Variants in DLGAP4 observed in about 807,000 individuals in gnomAD.
DLGAP4 encodes the protein DLG associated protein 4.
A neutral mutation model predicts 86.9 loss-of-function variants in DLGAP4; 18 were observed. The observed-to-expected ratio is 0.21, with a 90% CI of 0.14 to 0.31. The LOEUF (loss-of-function observed/expected upper bound fraction) is 0.31. Among genes scored for constraint, DLGAP4 ranks in the 10% least tolerant of loss-of-function variants. DLGAP4 has a pLI of 1.00. For missense variants in DLGAP4, 1,085 were observed against 1,362.6 expected (o/e 0.80, Z 3.21); for synonymous variants, 548 against 574.3 (o/e 0.95, Z 0.65).
chr20:36,461,763 G>GCCCC (rs1474773337), intron 7 of DLGAP4: 1 of 243,864 alleles, frequency 4.1e-6, no homozygotes, highest in Admixed American at 1.1e-4. Flanking sequence ...CCGCCCGCCC[G>GCCCC]CCCGCCCGCG....
At position 36,496,924 on chromosome 20, in the gene DLGAP4, G is replaced by C. The variant is rs149955874; in HGVS notation, c.1868G>C (p.Arg623Pro). Residue 623 changes from arginine to proline, a missense_variant, in exon 8 of 13, where the codon CGG (arginine) becomes CCG (proline). By Grantham distance (103) the Arg-to-Pro change is moderately radical. Coordinates refer to ENST00000339266, the MANE Select transcript of DLGAP4 (RefSeq NM_001365621.2). ...DSSTRPPSVT[R>P]GGVAPAPEAP... ...AGTACCCGACCGCCCAGCGTGACAC[G>C]GGGTGGAGTCGCCCCAGCCCCTGAG... 3 of 1,614,170 alleles carry C rather than the reference G, an allele frequency of 1.9e-6. No homozygotes were observed. The Admixed American group carries it at 5.0e-5, about 27-fold the overall frequency.
intron 2 of DLGAP4, among the ~76,000 whole-genome samples, chr20:36,421,692 T>C (rs2032833108): frequency 6.6e-6 from 1 of 151,980 alleles, no homozygotes; most frequent in Non-Finnish European, 1.5e-5. Flanking sequence ...CTTCCCGGTT[T>C]CTGACCTGAA....
At chr20:36,359,903 C>T (rs1161701732) in intron 1 of DLGAP4, among the ~76,000 whole-genome samples, 1 of 152,084 alleles carries the variant, frequency 6.6e-6, no homozygotes, top group Non-Finnish European at 1.5e-5. Flanking sequence ...GTGTGACTGG[C>T]TTGGAGCAGT....
At position 36,308,929 on chromosome 20, in the gene DLGAP4, A is replaced by G. The variant is rs1170981691; in HGVS notation, c.-304+2417A>G. The stretch of plus-strand genomic sequence containing the variant: ...ACACAGTAGGTACTCAATAAATGTC[A>G]TGGCTCCCAGGATGAAACCCAACCT... On this transcript the variant is annotated intron_variant, in intron 1 of 12. Coordinates refer to ENST00000339266, the MANE Select transcript of DLGAP4 (RefSeq NM_001365621.2). The surrounding 1 kb of genome is among the most constrained non-coding windows in gnomAD (Gnocchi z 4.5). Among the ~76,000 whole-genome samples the G allele has an allele frequency of 1.3e-5, 2 of 152,030 alleles. No individual in the cohort carries two copies. Among genetic ancestry groups the G allele is most frequent in the Non-Finnish European group, 2.9e-5 (2 of 68,012 alleles).
In DLGAP4 at chr20:36,460,171, G is replaced by GA. The variant is rs939371374; in HGVS notation, c.1648+13234_1648+13235insA. Among the ~76,000 whole-genome samples, 20 of 151,592 alleles carry GA rather than the reference G, an allele frequency of 1.3e-4. 1 individual carries two copies. Among genetic ancestry groups the GA allele is most frequent in the African/African-American group, 4.8e-4 (20 of 41,348 alleles). Reference sequence around the variant, plus strand: ...TCAGGGCCCATAACAAATGTACCTTGTTTTTTTCCTAAGTAAATCAACCTT... The same window carrying GA: ...TCAGGGCCCATAACAAATGTACCTTGATTTTTTTCCTAAGTAAATCAACCTT... On this transcript the variant is annotated intron_variant, in intron 7 of 12. Transcript: ENST00000339266.
chr20:36,485,535 G>C (rs2035374847), intron 7 of DLGAP4, among the ~76,000 whole-genome samples: 1 of 152,148 alleles, frequency 6.6e-6, no homozygotes, highest in Non-Finnish European at 1.5e-5. Flanking sequence ...AACCCACTTA[G>C]TTTACAGCTG....
intron 11 of DLGAP4, among the ~76,000 whole-genome samples, 176 bp downstream of exon 11, chr20:36,524,517 A>G (rs1738747555): frequency 6.6e-6 from 1 of 152,254 alleles, no homozygotes; most frequent in African/African-American, 2.4e-5. Context: ...GAAAGGGGGC[A>G]AAAGTGGCCC....
At chr20:36,413,543 A>G (rs2032566699) in intron 2 of DLGAP4, among the ~76,000 whole-genome samples, 1 of 149,012 alleles carries the variant, frequency 6.7e-6, no homozygotes, top group Admixed American at 6.7e-5. Context: ...CAGCCTCCCA[A>G]GTAGCTGGAC....
In DLGAP4 at chr20:36,308,886, T is replaced by G. The variant is rs547064320; in HGVS notation, c.-304+2374T>G. ...AATTAATAAAATCTTGAATGCAGGG[T>G]TTTTTTTTATAGAAAGTACACAGTA... On this transcript the variant is annotated intron_variant, in intron 1 of 12. Transcript: ENST00000339266. This position sits in a 1 kb window ranked among gnomAD's most constrained non-coding sequence, Gnocchi z 4.5. 5.2e-4 allele frequency among the ~76,000 whole-genome samples: 78 copies of G among 149,546 alleles called. No individual in the cohort carries two copies. The highest frequency in any genetic ancestry group is 2.1e-3 in the East Asian group (11 of 5,164).
At chr20:36,371,009 G>T (rs1391998026) in intron 2 of DLGAP4, among the ~76,000 whole-genome samples, 1 of 152,142 alleles carries the variant, frequency 6.6e-6, no homozygotes, top group Non-Finnish European at 1.5e-5. Context: ...AGCAGTATTG[G>T]CCCCATTTTA....
intron 2 of DLGAP4, among the ~76,000 whole-genome samples, chr20:36,398,043 C>T (rs1176490977): frequency 1.3e-5 from 2 of 152,208 alleles, no homozygotes; most frequent in Non-Finnish European, 2.9e-5. Context: ...ATCGCTTGAA[C>T]CTGGGAGGCA....
At chr20:36,480,931 G>A (rs768314836) in intron 7 of DLGAP4, among the ~76,000 whole-genome samples, 3 of 152,102 alleles carry the variant, frequency 2.0e-5, no homozygotes, top group Non-Finnish European at 4.4e-5. Context: ...GCTTGAGCCC[G>A]GGCTATCAAG....
chr20:36,479,753 A>T (rs1384420184), intron 7 of DLGAP4, among the ~76,000 whole-genome samples: 1 of 152,110 alleles, frequency 6.6e-6, no homozygotes, highest in Non-Finnish European at 1.5e-5. Flanking sequence ...CTAAAATGTT[A>T]GAATGGTGCT....
chr20:36,499,393 C>T (rs1175479621), intron 8 of DLGAP4, 195 bp from the exon 9 acceptor site: 11 of 1,506,510 alleles, frequency 7.3e-6, no homozygotes, highest in African/African-American at 1.4e-5. Flanking sequence ...CTGCCCGCCT[C>T]CACGCGAATG....
intron 7 of DLGAP4, among the ~76,000 whole-genome samples, chr20:36,450,678 G>A (rs868637295): frequency 4.7e-4 from 71 of 152,206 alleles, no homozygotes; most frequent in African/African-American, 1.5e-3. Context: ...GGCTTCTGTC[G>A]AACAATTGAC....
At chr20:36,453,934 C>CAA (rs1194294335) in intron 7 of DLGAP4, among the ~76,000 whole-genome samples, 180 of 42,436 alleles carry the variant, frequency 4.2e-3, no homozygotes, top group African/African-American at 0.011. Context: ...ACTCTGTCTC[C>CAA]AAAAAAAAAA....
chr20:36,329,511 G>A (rs2065247086), intron 1 of DLGAP4, among the ~76,000 whole-genome samples: 1 of 152,222 alleles, frequency 6.6e-6, no homozygotes, highest in Non-Finnish European at 1.5e-5. Flanking sequence ...GGGATGTCTT[G>A]ATGACGTGGA....
intron 2 of DLGAP4, among the ~76,000 whole-genome samples, chr20:36,376,841 T>C (rs1442329925): frequency 2.0e-5 from 3 of 152,264 alleles, no homozygotes; most frequent in African/African-American, 4.8e-5. Flanking sequence ...GAGGTGATGA[T>C]AGTGCTGCCC....
In DLGAP4 at chr20:36,527,801, T is replaced by C. The variant is rs1272029912; in HGVS notation, c.*770T>C. ...CCACAGTTATCACACTCCAGACTCC[T>C]GCCCTTTTATTTTCTCCAGCCCCTT... On this transcript the variant is annotated 3_prime_UTR_variant, in exon 13 of 13. Coordinates refer to ENST00000339266, the MANE Select transcript of DLGAP4 (RefSeq NM_001365621.2). 1 of 152,734 alleles carries C rather than the reference T, an allele frequency of 6.5e-6. No individual in the cohort carries two copies. The highest frequency in any genetic ancestry group is 2.4e-5 in the African/African-American group (1 of 41,468). The allele number at this position is 152,734 out of a possible 1,614,324, so 9.5% of individuals were successfully genotyped here. A position where few individuals can be genotyped will look rare whatever the true frequency, so the allele number is the denominator to read the frequency against.
Sources: allele counts gnomAD v4.1 joint callset (sites outside exome capture counted in the v4.1 genomes callset), GRCh38; gene constraint gnomAD v4.1.1; non-coding constraint Gnocchi (gnomAD v3.1); transcripts MANE v1.5; gene names NCBI Gene and HGNC (gene_info 2026-07-23, HGNC 2026-07-21).